The following WDR20 variants were observed in gnomAD, a reference collection of about 807,000 sequenced individuals.
The protein encoded by WDR20 is WD repeat domain 20.
WDR20 carries 3 observed loss-of-function variants against 38.7 expected under a neutral mutation model. That is an observed-to-expected ratio of 0.08 (90% CI 0.04 to 0.20). The LOEUF is 0.20. WDR20 is among the 10% of genes least tolerant of loss of function. The pLI is 1.00. For missense variants in WDR20, 559 were observed against 727.7 expected, an observed-to-expected ratio of 0.77 and a Z score of 2.67; for synonymous variants, 298 against 285.6, an observed-to-expected ratio of 1.04 and a Z score of -0.44.
chr14:102,202,345 T>G (rs891148952), intron 2 of WDR20, among the ~76,000 whole-genome samples: 7 of 150,332 alleles, frequency 4.7e-5, no homozygotes, highest in Non-Finnish European at 8.8e-5. Flanking sequence ...CTGCTTTCCT[T>G]GTTTTTGTCC....
chr14:102,180,396 T>G (rs1000045271), intron 1 of WDR20, among the ~76,000 whole-genome samples: 1 of 152,176 alleles, frequency 6.6e-6, no homozygotes, highest in African/African-American at 2.4e-5. Context: ...TTAACCACTC[T>G]TTAGAGTGTC....
At chr14:102,224,488 T>C, downstream of WDR20, 2 of 423,810 alleles carry the variant, frequency 4.7e-6, no homozygotes. Flanking sequence ...TAAAAAATCA[T>C]ATACAACTGG....
At chr14:102,169,571 T>C (rs542702508) in intron 1 of WDR20, among the ~76,000 whole-genome samples, 1 of 152,100 alleles carries the variant, frequency 6.6e-6, no homozygotes, top group Admixed American at 6.6e-5. Flanking sequence ...CACTCTTGTC[T>C]CCCAGGCTGG....
rs977980359 is a variant in WDR20 at position 102,222,444 on chromosome 14, C to T, written c.1693-386C>T. Among the ~76,000 whole-genome samples the T allele has an allele frequency of 5.9e-5, 9 of 152,204 alleles. No homozygotes were observed. The highest frequency in any genetic ancestry group is 2.9e-5 in the Non-Finnish European group (2 of 68,024). ...GGACTGGGTGTGCGGTCCAGAACTG[C>T]GGTGCCCTGGGCTCAACCCTGGCTG... On this transcript the variant is annotated intron_variant, in intron 3 of 3. Transcript: ENST00000335263. This position sits in a 1 kb window ranked among gnomAD's most constrained non-coding sequence, Gnocchi z 4.4.
downstream of WDR20, among the ~76,000 whole-genome samples, chr14:102,211,948 G>T (rs2062593344): frequency 6.6e-6 from 1 of 152,184 alleles, no homozygotes; most frequent in Non-Finnish European, 1.5e-5. The surrounding 1 kb of genome is among the most constrained non-coding windows in gnomAD (Gnocchi z 4.2). Context: ...GTGGGGGTGT[G>T]TGCCCGAGTA....
At chr14:102,216,499 A>G (rs966744992), downstream of WDR20, among the ~76,000 whole-genome samples, 15 of 152,190 alleles carry the variant, frequency 9.9e-5, no homozygotes, top group Admixed American at 5.2e-4. Flanking sequence ...GGGTCTTGCC[A>G]TGTTGCCCAG....
At chr14:102,141,185 T>C (rs545181335) in intron 1 of WDR20, among the ~76,000 whole-genome samples, 2 of 152,296 alleles carry the variant, frequency 1.3e-5, no homozygotes, top group South Asian at 4.1e-4. Flanking sequence ...GTGAGGAAAT[T>C]AATGCATCCC....
intron 1 of WDR20, among the ~76,000 whole-genome samples, chr14:102,181,556 C>T (rs550010855): frequency 1.3e-5 from 2 of 151,924 alleles, no homozygotes; most frequent in African/African-American, 4.8e-5. Flanking sequence ...TTATCTGATC[C>T]CCTGATGTAA....
downstream of WDR20, chr14:102,212,739 T>G: frequency 2.1e-6 from 3 of 1,421,470 alleles, no homozygotes; most frequent in Non-Finnish European, 2.8e-6. Context: ...TAAGGTGCAA[T>G]GCGTGCTGCT....
In WDR20 at chr14:102,208,159, G is replaced by T. The variant is rs1203349559; in HGVS notation, c.433-444G>T. ...TAAAGGCAGAGGAACCCGTGAGGGT[G>T]AGGCAGAGCCCTCCTGGCTGTGAGG... On this transcript the variant is annotated intron_variant, in intron 2 of 2. Transcript: ENST00000342702. The surrounding 1 kb of genome is among the most constrained non-coding windows in gnomAD (Gnocchi z 5.6). Among the ~76,000 whole-genome samples the T allele has an allele frequency of 6.6e-6, 1 of 152,238 alleles. No individual in the cohort carries two copies. Among genetic ancestry groups the T allele is most frequent in the East Asian group, 1.9e-4 (1 of 5,192 alleles).
Position 102,222,953 on chromosome 14 carries a change from C to A in WDR20, c.*70C>A. On this transcript the variant is annotated 3_prime_UTR_variant, in exon 4 of 4. Transcript: ENST00000335263. The surrounding 1 kb of genome is among the most constrained non-coding windows in gnomAD (Gnocchi z 4.4). ...GGGAGTGACGAGGAGGAGCTCCGAG[C>A]TGCGCCTGAGCCGTGCCAGCCGGCG... 6.3e-7 allele frequency: 1 copy of A among 1,589,114 alleles called. No individual in the cohort carries two copies. The highest frequency in any genetic ancestry group is 1.7e-5 in the Admixed American group (1 of 59,658).
Position 102,207,763 on chromosome 14 carries a change from C to T in WDR20, c.433-840C>T, listed in dbSNP as rs1434816227. Among the ~76,000 whole-genome samples the T allele has an allele frequency of 6.6e-6, 1 of 152,160 alleles. No individual in the cohort carries two copies. Among genetic ancestry groups the T allele is most frequent in the African/African-American group, 2.4e-5 (1 of 41,416 alleles). ...GGCAAGCAGGGAAAGAGACTTGTGC[C>T]TTTGGTGGGGCAGGTATTTTTGCCC... On this transcript the variant is annotated intron_variant, in intron 2 of 2. Coordinates refer to ENST00000342702, the MANE Select transcript of WDR20 (RefSeq NM_144574.4). The surrounding 1 kb of genome is among the most constrained non-coding windows in gnomAD (Gnocchi z 5.0).
intron 2 of WDR20, among the ~76,000 whole-genome samples, chr14:102,202,685 G>A (rs12883091): frequency 0.26 from 39,958 of 151,646 alleles, 6,022 homozygotes; most frequent in African/African-American, 0.42. Context: ...GGGCCTGTAC[G>A]GAGGTTTTTT....
intron 1 of WDR20, among the ~76,000 whole-genome samples, chr14:102,162,153 C>T (rs1418699432): frequency 6.6e-6 from 1 of 152,196 alleles, no homozygotes; most frequent in Admixed American, 6.5e-5. Context: ...TTGCACTGGT[C>T]TAGGTTTTGG....
At chr14:102,212,630 A>G (rs1567086500), downstream of WDR20, 5 of 1,534,002 alleles carry the variant, frequency 3.3e-6, no homozygotes, top group Admixed American at 3.9e-5. Context: ...GGGGCAGGGA[A>G]GCGCCCTTCT....
In WDR20 at chr14:102,222,936, C is replaced by G. The variant is rs113637000; in HGVS notation, c.*53C>G. 1 of 1,607,026 alleles carries G rather than the reference C, an allele frequency of 6.2e-7. No homozygotes were observed. Among genetic ancestry groups the G allele is most frequent in the South Asian group, 1.1e-5 (1 of 90,720 alleles). ...CCGGGACTTGGACTCGAGGGAGTGACGAGGAGGAGCTCCGAGCTGCGCCTG... is the reference window on the plus strand; with the variant it reads ...CCGGGACTTGGACTCGAGGGAGTGAGGAGGAGGAGCTCCGAGCTGCGCCTG... On this transcript the variant is annotated 3_prime_UTR_variant, in exon 4 of 4. Coordinates refer to the WDR20 transcript ENST00000335263. This position sits in a 1 kb window ranked among gnomAD's most constrained non-coding sequence, Gnocchi z 4.4.
chr14:102,199,648 G>A (rs2059981499), intron 2 of WDR20, among the ~76,000 whole-genome samples: 1 of 152,090 alleles, frequency 6.6e-6, no homozygotes, highest in Non-Finnish European at 1.5e-5. Context: ...CCCAGCATCA[G>A]TTACTCTGGC....
intron 1 of WDR20, among the ~76,000 whole-genome samples, chr14:102,151,903 C>T (rs2056014904): frequency 6.6e-6 from 1 of 151,346 alleles, no homozygotes; most frequent in African/African-American, 2.4e-5. Context: ...CCACCCACAC[C>T]CACCTGGCTA....
chr14:102,216,595 C>A (rs987385897), downstream of WDR20, among the ~76,000 whole-genome samples: 1 of 152,112 alleles, frequency 6.6e-6, no homozygotes, highest in African/African-American at 2.4e-5. Context: ...ACATTTTGGT[C>A]TTTTAAAAAT....
Sources: gnomAD v4.1 joint callset for allele counts (sites outside exome capture counted in the v4.1 genomes callset) on GRCh38, gnomAD v4.1.1 for gene constraint, Gnocchi (gnomAD v3.1) non-coding constraint, MANE v1.5 for transcripts, NCBI Gene and HGNC (gene_info 2026-07-23, HGNC 2026-07-21) for gene names.